ACAP2: variants seen among roughly 807,000 people sequenced by gnomAD.
The protein encoded by ACAP2 is ArfGAP with coiled-coil, ankyrin repeat and PH domains 2.
ACAP2 carries 39 observed loss-of-function variants against 115.8 expected under a neutral mutation model. The observed-to-expected ratio is 0.34, with a 90% confidence interval of 0.26 to 0.44. ACAP2 has a LOEUF of 0.44. Among genes scored for constraint, ACAP2 ranks in the 20% least tolerant of loss-of-function variants. The probability of loss-of-function intolerance (pLI) is 1.00; values close to 1 mark genes in which losing one functional copy is unlikely to be tolerated. For missense variants in ACAP2, 662 were observed against 927.6 expected (o/e 0.71, Z 3.72); for synonymous variants, 289 against 315.8 (o/e 0.92, Z 0.90).
intron 4 of ACAP2, among the ~76,000 whole-genome samples, chr3:195,353,248 G>C (rs565856954): frequency 6.6e-6 from 1 of 152,252 alleles, no homozygotes; most frequent in East Asian, 1.9e-4. Context: ...TGAAATTCCT[G>C]AGTCAGAGTC....
At chr3:195,302,443 C>G (rs113541034) in intron 13 of ACAP2, among the ~76,000 whole-genome samples, 3,279 of 152,140 alleles carry the variant, frequency 0.022, 115 homozygotes, top group East Asian at 0.1. Context: ...AAGATGAAGA[C>G]AGAAAGGGAA....
chr3:195,279,967 C>T (rs191420114), intron 22 of ACAP2, among the ~76,000 whole-genome samples: 4 of 151,832 alleles, frequency 2.6e-5, no homozygotes, highest in Non-Finnish European at 5.9e-5. Flanking sequence ...AACTTTAATG[C>T]GTAATTAAAA....
At chr3:195,351,132 G>GT (rs746125060) in intron 4 of ACAP2, among the ~76,000 whole-genome samples, 11 of 77,704 alleles carry the variant, frequency 1.4e-4, no homozygotes, top group East Asian at 3.4e-3. Flanking sequence ...TTTTTTTTGG[G>GT]CGGGGGACAG....
chr3:195,412,198 C>T (rs1165845944), intron 1 of ACAP2, among the ~76,000 whole-genome samples: 1 of 140,100 alleles, frequency 7.1e-6, no homozygotes, highest in Admixed American at 7.2e-5. Flanking sequence ...AAAGAATTGG[C>T]TTGTTACATG....
rs541827136 is a variant in ACAP2 at position 195,309,959 on chromosome 3, A to C, written c.858-1122T>G. On this transcript the variant is annotated intron_variant, in intron 10 of 22. Coordinates refer to ENST00000326793, the MANE Select transcript of ACAP2 (RefSeq NM_012287.6). ...CACAGCCAAAAGCCATTCAGAAAAGAAAGCAAAACTTCTTATCAAGCATGA... is the reference window on the plus strand; with the variant it reads ...CACAGCCAAAAGCCATTCAGAAAAGCAAGCAAAACTTCTTATCAAGCATGA... 7.2e-5 allele frequency among the ~76,000 whole-genome samples: 11 copies of C among 152,374 alleles called. No homozygotes were observed. The East Asian group carries it at 2.1e-3, about 29-fold the overall frequency.
At chr3:195,401,689 AC>A (rs753421249) in intron 1 of ACAP2, among the ~76,000 whole-genome samples, 1 of 152,184 alleles carries the variant, frequency 6.6e-6, no homozygotes, top group Non-Finnish European at 1.5e-5. Context: ...AGACTACAGA[AC>A]AGTAACGTGA....
rs1728061482 is a variant in ACAP2 at position 195,301,615 on chromosome 3, C to T, written c.1355G>A (p.Arg452Gln). 4 of 1,613,178 alleles carry T rather than the reference C, an allele frequency of 2.5e-6. No individual in the cohort carries two copies. The highest frequency in any genetic ancestry group is 1.3e-5 in the African/African-American group (1 of 74,820). Residue 452 changes from arginine to glutamine, a missense_variant, in exon 15 of 23, where the codon CGA becomes CAA. Physicochemically the swap from Arg to Gln is conservative, Grantham distance 43 (BLOSUM62 1). Coordinates refer to ENST00000326793, the MANE Select transcript of ACAP2 (RefSeq NM_012287.6). ...RSLGVHFSKV[R>Q]SLTLDTWEPE... Reference sequence around the variant, plus strand: ...CTCCCAGGTGTCTAAAGTTAAAGATCGTACTTTTGAAAAATGAACCCCAAG... The same window carrying T: ...CTCCCAGGTGTCTAAAGTTAAAGATTGTACTTTTGAAAAATGAACCCCAAG...
chr3:195,441,877 G>C (rs1293735237), intron 1 of ACAP2: 1 of 152,182 alleles, frequency 6.6e-6, no homozygotes, highest in Non-Finnish European at 1.5e-5. Flanking sequence ...CAGGACGACC[G>C]CCTCTCACAT....
At chr3:195,393,259 C>CT (rs1310333406) in intron 1 of ACAP2, among the ~76,000 whole-genome samples, 1 of 152,140 alleles carries the variant, frequency 6.6e-6, no homozygotes, top group African/African-American at 2.4e-5. Context: ...TCACTTGGGC[C>CT]TAGGAGGTTG....
At chr3:195,405,739 A>T (rs1712715850) in intron 1 of ACAP2, among the ~76,000 whole-genome samples, 2 of 152,116 alleles carry the variant, frequency 1.3e-5, no homozygotes, top group Non-Finnish European at 2.9e-5. Flanking sequence ...AAGAGGTTTA[A>T]TTGGCTCATG....
At chr3:195,392,773 A>G (rs1734763903) in intron 1 of ACAP2, among the ~76,000 whole-genome samples, 1 of 152,216 alleles carries the variant, frequency 6.6e-6, no homozygotes, top group South Asian at 2.1e-4. Context: ...ACTTCATACC[A>G]CACTACAAGG....
chr3:195,371,997 A>G (rs998762158), intron 4 of ACAP2, among the ~76,000 whole-genome samples: 3 of 152,226 alleles, frequency 2.0e-5, no homozygotes, highest in Admixed American at 6.5e-5. Flanking sequence ...TAAAATTTAC[A>G]TTGAAACATT....
chr3:195,434,875 T>A (rs1488058475), intron 1 of ACAP2, among the ~76,000 whole-genome samples: 3 of 152,230 alleles, frequency 2.0e-5, no homozygotes, highest in Non-Finnish European at 4.4e-5. Context: ...CAATTATCTG[T>A]AGTATTTCCT....
intron 4 of ACAP2, among the ~76,000 whole-genome samples, chr3:195,364,498 G>A (rs1376357816): frequency 1.3e-5 from 2 of 151,978 alleles, no homozygotes; most frequent in South Asian, 2.1e-4. Context: ...TTCAACACCG[G>A]AGATGGAGGT....
At chr3:195,287,245 C>T (rs906837495) in intron 21 of ACAP2, among the ~76,000 whole-genome samples, 3 of 152,092 alleles carry the variant, frequency 2.0e-5, no homozygotes, top group South Asian at 2.1e-4. Flanking sequence ...GTATCGGTGA[C>T]GATTAATTTT....
chr3:195,377,776 A>G (rs1733652657), intron 4 of ACAP2, among the ~76,000 whole-genome samples: 1 of 152,228 alleles, frequency 6.6e-6, no homozygotes, highest in Admixed American at 6.5e-5. Flanking sequence ...TCATTTTTAT[A>G]TCTATTAAAA....
intron 8 of ACAP2, among the ~76,000 whole-genome samples, chr3:195,329,058 CAACAGAGTGAGACTCCGTCTCA>C (rs1474847162): frequency 7.9e-6 from 1 of 126,390 alleles, no homozygotes; most frequent in African/African-American, 3.0e-5. Flanking sequence ...CCAGCCTGGG[CAACAGAGTGAGACTCCGTCTCA>C]AAAAAAAAAA....
chr3:195,431,969 A>AT (rs1323842896), intron 1 of ACAP2, among the ~76,000 whole-genome samples: 1 of 152,208 alleles, frequency 6.6e-6, no homozygotes, highest in Non-Finnish European at 1.5e-5. Flanking sequence ...GATGTTGAGC[A>AT]TATTTTCATG....
chr3:195,407,596 A>C (rs150991774), intron 1 of ACAP2, among the ~76,000 whole-genome samples: 410 of 152,202 alleles, frequency 2.7e-3, no homozygotes, highest in African/African-American at 9.3e-3. Flanking sequence ...AGCCCCAGCT[A>C]CCTGGGAGGC....
Sources: allele counts gnomAD v4.1 joint callset (sites outside exome capture counted in the v4.1 genomes callset), GRCh38; gene constraint gnomAD v4.1.1; transcripts MANE v1.5; gene names NCBI Gene and HGNC (gene_info 2026-07-23, HGNC 2026-07-21).